ASIC2: variants seen among roughly 807,000 people sequenced by gnomAD.
ASIC2 encodes acid sensing ion channel subunit 2.
Under a neutral mutation model 57.3 loss-of-function variants are expected in ASIC2, and 25 were observed. That is an observed-to-expected ratio of 0.44 (90% CI 0.32 to 0.61). The LOEUF (loss-of-function observed/expected upper bound fraction) is 0.61. Among genes scored for constraint, ASIC2 ranks in the 20% least tolerant of loss-of-function variants. ASIC2 has a pLI of 0.06. For missense variants in ASIC2, 641 were observed against 738.1 expected (o/e 0.87, Z 1.52); for synonymous variants, 319 against 307.5 (o/e 1.04, Z -0.39).
At chr17:33,287,936 C>G (rs1239003583) in intron 1 of ASIC2, among the ~76,000 whole-genome samples, 2 of 152,136 alleles carry the variant, frequency 1.3e-5, no homozygotes, top group Non-Finnish European at 1.5e-5. Context: ...ATACATTTCA[C>G]TGGTGTTCTC....
rs963602857 is a variant in ASIC2, at chr17:34,031,886, T to C, written c.555+124092A>G. Among the ~76,000 whole-genome samples the C allele has an allele frequency of 3.9e-5, 6 of 152,338 alleles. No homozygotes were observed. In the South Asian group the frequency reaches 8.3e-4, roughly 21 times the overall value. Reference sequence around the variant, plus strand: ...GTGGAAAGACCAAATCTACGTCTGATTGATTTACCTGAAAGTGACGGGGAG... The same window carrying C: ...GTGGAAAGACCAAATCTACGTCTGACTGATTTACCTGAAAGTGACGGGGAG... On this transcript the variant is annotated intron_variant, in intron 1 of 9. Transcript: ENST00000359872.
In ASIC2 at chr17:33,309,931, C is replaced by T. The variant is rs1906337955; in HGVS notation, c.556-197864G>A. The stretch of plus-strand genomic sequence containing the variant: ...GGAGGTTATTTTGTATCTAGAATGC[C>T]ATGACTCCTCCCCTCCACCCCATGG... On this transcript the variant is annotated intron_variant, in intron 1 of 9. Transcript: ENST00000359872. Among the ~76,000 whole-genome samples the T allele has an allele frequency of 2.1e-5, 3 of 144,340 alleles. No homozygotes were observed. In the Admixed American group the frequency reaches 2.1e-4, roughly 10 times the overall value. 94.7% of individuals were successfully genotyped at this position (144,340 alleles called of 152,430 possible).
chr17:33,665,076 G>A (rs1486049198), intron 1 of ASIC2, among the ~76,000 whole-genome samples: 1 of 151,998 alleles, frequency 6.6e-6, no homozygotes, highest in African/African-American at 2.4e-5. Flanking sequence ...AAGAGGCTCA[G>A]AAAGGTGAAA....
intron 1 of ASIC2, among the ~76,000 whole-genome samples, chr17:33,474,489 C>T (rs1028865522): frequency 6.6e-6 from 1 of 152,240 alleles, no homozygotes; most frequent in Admixed American, 6.5e-5. Flanking sequence ...AGCAGCATGG[C>T]TGTCACCACC....
intron 1 of ASIC2, among the ~76,000 whole-genome samples, chr17:34,135,078 T>C (rs983415630): frequency 6.6e-6 from 1 of 152,218 alleles, no homozygotes; most frequent in Non-Finnish European, 1.5e-5. Flanking sequence ...CAAAGCCAAA[T>C]GGAATGCTTT....
intron 1 of ASIC2, among the ~76,000 whole-genome samples, chr17:33,452,174 C>T (rs897360163): frequency 6.6e-6 from 1 of 152,210 alleles, no homozygotes; most frequent in African/African-American, 2.4e-5. Context: ...TTCGGATTGT[C>T]TACCTTCTAC....
intron 1 of ASIC2, among the ~76,000 whole-genome samples, chr17:33,620,097 A>C (rs1905736547): frequency 6.6e-6 from 1 of 152,148 alleles, no homozygotes; most frequent in African/African-American, 2.4e-5. Flanking sequence ...AAATCCCCTA[A>C]AAGGAAAGTA....
At chr17:33,905,518 G>T (rs151014847) in intron 1 of ASIC2, among the ~76,000 whole-genome samples, 99 of 152,330 alleles carry the variant, frequency 6.5e-4, no homozygotes, top group Middle Eastern at 3.4e-3. Flanking sequence ...CATAGATAAG[G>T]AGTGCTCAGT....
At chr17:33,430,748 A>T (rs907231371) in intron 1 of ASIC2, among the ~76,000 whole-genome samples, 1 of 152,256 alleles carries the variant, frequency 6.6e-6, no homozygotes, top group Non-Finnish European at 1.5e-5. Flanking sequence ...AATAGTTGGC[A>T]GTTCAAATAA....
At chr17:33,088,086 T>C (rs1200942626) in intron 3 of ASIC2, among the ~76,000 whole-genome samples, 1 of 152,158 alleles carries the variant, frequency 6.6e-6, no homozygotes. Flanking sequence ...ATGCCTAAGG[T>C]CTTCCCCAGA....
intron 1 of ASIC2, among the ~76,000 whole-genome samples, chr17:33,393,794 A>G (rs1346326066): frequency 6.6e-6 from 1 of 152,174 alleles, no homozygotes; most frequent in Non-Finnish European, 1.5e-5. Context: ...GGAAGAACTC[A>G]TCATCCATGA....
intron 1 of ASIC2, among the ~76,000 whole-genome samples, chr17:33,829,840 G>A (rs1454142728): frequency 6.6e-6 from 1 of 152,078 alleles, no homozygotes; most frequent in African/African-American, 2.4e-5. Flanking sequence ...TGGGATTACA[G>A]GCGTGAGCCA....
chr17:33,265,697 T>C (rs552937323), intron 1 of ASIC2, among the ~76,000 whole-genome samples: 28 of 152,152 alleles, frequency 1.8e-4, no homozygotes, highest in South Asian at 2.1e-4. Flanking sequence ...AAAGATTCAG[T>C]GTGGGGGCCA....
chr17:33,683,810 C>A (rs987953699), intron 1 of ASIC2, among the ~76,000 whole-genome samples: 4 of 152,150 alleles, frequency 2.6e-5, no homozygotes, highest in Admixed American at 2.6e-4. Flanking sequence ...TACCACTGTG[C>A]CCCGTCTCCC....
chr17:33,157,123 A>T (rs1213633202), intron 1 of ASIC2, among the ~76,000 whole-genome samples: 1 of 151,538 alleles, frequency 6.6e-6, no homozygotes, highest in East Asian at 1.9e-4. Flanking sequence ...AGGCAAAAAA[A>T]CCCCCAGCAC....
At chr17:33,707,439 C>T (rs1908895724) in intron 1 of ASIC2, among the ~76,000 whole-genome samples, 1 of 152,112 alleles carries the variant, frequency 6.6e-6, no homozygotes, top group African/African-American at 2.4e-5. Context: ...TTTTATTCTA[C>T]TATCTAGATT....
chr17:33,464,201 C>T (rs1597737222), intron 1 of ASIC2, among the ~76,000 whole-genome samples: 1 of 152,144 alleles, frequency 6.6e-6, no homozygotes, highest in East Asian at 1.9e-4. Flanking sequence ...TAGCTCTTGA[C>T]CCTGCCTGCT....
At chr17:33,319,298 T>C (rs1906776969) in intron 1 of ASIC2, among the ~76,000 whole-genome samples, 2 of 152,336 alleles carry the variant, frequency 1.3e-5, no homozygotes, top group Admixed American at 1.3e-4. Context: ...TCTTCAGCAC[T>C]GAGGGAGTGG....
chr17:33,865,764 A>G (rs1567739086), intron 1 of ASIC2, among the ~76,000 whole-genome samples: 1 of 79,954 alleles, frequency 1.3e-5, no homozygotes, highest in African/African-American at 5.0e-5. Context: ...AAAAATAAAA[A>G]AAAAAAACAA....
Sources: gnomAD v4.1 joint callset for allele counts (sites outside exome capture counted in the v4.1 genomes callset) on GRCh38, gnomAD v4.1.1 for gene constraint, MANE v1.5 for transcripts, NCBI Gene and HGNC (gene_info 2026-07-23, HGNC 2026-07-21) for gene names.